The following PCDH15 variants were observed in gnomAD, a reference collection of about 807,000 sequenced individuals.
The protein encoded by PCDH15 is protocadherin-15.
PCDH15 carries 129 observed loss-of-function variants against 178.5 expected under a neutral mutation model. That is an observed-to-expected ratio of 0.72 (90% CI 0.63 to 0.84). PCDH15 has a LOEUF of 0.84. Ranked by LOEUF, PCDH15 falls within the 40% of genes least tolerant of loss-of-function variation. PCDH15 has a pLI of 0.00. For missense variants in PCDH15, 2,230 were observed against 2,099.9 expected, an observed-to-expected ratio of 1.06 and a Z score of -1.21; for synonymous variants, 800 against 732.0, an observed-to-expected ratio of 1.09 and a Z score of -1.50.
chr10:54,643,925 G>A (rs970258666), intron 2 of PCDH15, among the ~76,000 whole-genome samples: 6 of 145,962 alleles, frequency 4.1e-5, no homozygotes, highest in African/African-American at 1.0e-4. Flanking sequence ...CCATTAACTC[G>A]TCACTTAGCA....
At chr10:55,434,078 T>TTTTC (rs1838964084) in intron 2 of PCDH15, among the ~76,000 whole-genome samples, 1 of 16,610 alleles carries the variant, frequency 6.0e-5, no homozygotes, top group Non-Finnish European at 8.6e-5. Flanking sequence ...TTTTCTTTTC[T>TTTTC]TTTTTTTTTT....
At chr10:55,529,713 GTA>G (rs1200547799) in intron 2 of PCDH15, among the ~76,000 whole-genome samples, 19 of 112,796 alleles carry the variant, frequency 1.7e-4, no homozygotes, top group African/African-American at 4.0e-4. Flanking sequence ...ATATATGTGT[GTA>G]TATATATATA....
intron 2 of PCDH15, among the ~76,000 whole-genome samples, chr10:55,410,533 C>A (rs1399065331): frequency 6.6e-6 from 1 of 152,056 alleles, no homozygotes; most frequent in East Asian, 1.9e-4. Flanking sequence ...AAAAGCAAAA[C>A]CTGGAGTCTT....
chr10:54,515,743 C>T (rs2082149073), intron 3 of PCDH15, among the ~76,000 whole-genome samples: 2 of 152,248 alleles, frequency 1.3e-5, no homozygotes. Context: ...TAGGGGCAGA[C>T]TGACACCTCA....
intron 3 of PCDH15, among the ~76,000 whole-genome samples, chr10:54,470,910 C>T (rs61853582): frequency 6.6e-5 from 10 of 152,014 alleles, no homozygotes; most frequent in Non-Finnish European, 1.2e-4. Flanking sequence ...ATTTTGAAGG[C>T]GCCCCTTCAT....
intron 2 of PCDH15, among the ~76,000 whole-genome samples, chr10:55,584,811 G>A (rs1407350744): frequency 3.3e-5 from 5 of 151,308 alleles, no homozygotes; most frequent in South Asian, 2.1e-4. Flanking sequence ...CAGTTGGATC[G>A]ATTTTAAACT....
At position 55,388,471 on chromosome 10, in the gene PCDH15, A is replaced by C. The variant is rs147722797; in HGVS notation, c.-155-221820T>G. Among the ~76,000 whole-genome samples, 566 of 152,210 alleles carry C rather than the reference A, an allele frequency of 3.7e-3. 4 individuals are homozygous for C. The highest frequency in any genetic ancestry group is 0.011 in the African/African-American group (470 of 41,558). ...TCTTTGTTCTGTGCTCCACTGAGAT[A>C]CAAGATAAGACTTAAACTTCTGTCT... On this transcript the variant is annotated intron_variant, in intron 2 of 5. Transcript: ENST00000613346.
At chr10:55,075,922 T>C (rs1181342551) in intron 2 of PCDH15, among the ~76,000 whole-genome samples, 2 of 152,172 alleles carry the variant, frequency 1.3e-5, no homozygotes, top group Non-Finnish European at 2.9e-5. Context: ...TCACAGGTTT[T>C]GGTAGGTGGC....
chr10:54,044,134 T>G (rs556831457), intron 18 of PCDH15, among the ~76,000 whole-genome samples: 1 of 152,116 alleles, frequency 6.6e-6, no homozygotes, highest in East Asian at 1.9e-4. Context: ...TGGAAGGGGT[T>G]GAAGGGAGAA....
upstream of PCDH15, among the ~76,000 whole-genome samples, chr10:54,802,495 AC>A (rs1350414558): frequency 1.3e-5 from 2 of 152,224 alleles, no homozygotes; most frequent in African/African-American, 4.8e-5. Flanking sequence ...AAACTAAATT[AC>A]TTGCTTCCTT....
At chr10:54,014,705 T>C (rs2092690364) in intron 20 of PCDH15, among the ~76,000 whole-genome samples, 2 of 152,054 alleles carry the variant, frequency 1.3e-5, no homozygotes, top group African/African-American at 4.8e-5. Flanking sequence ...TCAATAAAAT[T>C]CCACATACTT....
intron 13 of PCDH15, among the ~76,000 whole-genome samples, chr10:54,155,582 G>A (rs756446693): frequency 7.2e-5 from 11 of 151,962 alleles, no homozygotes; most frequent in African/African-American, 1.9e-4. Context: ...GAAATTAATC[G>A]TAGTCCACCG....
intron 2 of PCDH15, among the ~76,000 whole-genome samples, chr10:54,954,835 T>C (rs1838439998): frequency 6.6e-6 from 1 of 151,318 alleles, no homozygotes; most frequent in African/African-American, 2.4e-5. Flanking sequence ...CATAAAATAA[T>C]TTTGTTCCTT....
chr10:55,283,281 C>T (rs955703154), intron 1 of PCDH15, among the ~76,000 whole-genome samples: 7 of 152,028 alleles, frequency 4.6e-5, no homozygotes, highest in African/African-American at 1.7e-4. Flanking sequence ...CGCACGAGGA[C>T]AGCTTCAACT....
intron 2 of PCDH15, among the ~76,000 whole-genome samples, chr10:54,936,513 T>C (rs1837911113): frequency 6.6e-6 from 1 of 152,012 alleles, no homozygotes; most frequent in Non-Finnish European, 1.5e-5. Flanking sequence ...GTAGAGATTC[T>C]AATTTGTTTA....
intron 1 of PCDH15, among the ~76,000 whole-genome samples, chr10:54,781,315 A>G: frequency 1.3e-5 from 2 of 152,012 alleles, no homozygotes; most frequent in Non-Finnish European, 2.9e-5. Context: ...TCCCTCCCCT[A>G]GCCCACCATC....
chr10:54,519,138 T>C (rs1321022262), intron 3 of PCDH15, among the ~76,000 whole-genome samples: 2 of 152,102 alleles, frequency 1.3e-5, no homozygotes, highest in Non-Finnish European at 2.9e-5. Context: ...AGCATTCCCT[T>C]TGAAAACTGG....
intron 2 of PCDH15, among the ~76,000 whole-genome samples, chr10:55,535,667 C>A: frequency 6.6e-6 from 1 of 151,976 alleles, no homozygotes; most frequent in South Asian, 2.1e-4. Context: ...AAAGCAAAAG[C>A]AGATATATTG....
chr10:54,261,493 T>C (rs2057312277), intron 8 of PCDH15, among the ~76,000 whole-genome samples: 1 of 151,964 alleles, frequency 6.6e-6, no homozygotes, highest in African/African-American at 2.4e-5. Flanking sequence ...CTGTAAGCAT[T>C]TGGAAAAAAA....
Sources: gnomAD v4.1 joint callset for allele counts (sites outside exome capture counted in the v4.1 genomes callset) on GRCh38, gnomAD v4.1.1 for gene constraint, MANE v1.5 for transcripts, NCBI Gene and HGNC (gene_info 2026-07-23, HGNC 2026-07-21) for gene names.